Variants in CLSTN3 observed in about 807,000 individuals in gnomAD.
The protein encoded by CLSTN3 is calsyntenin-3.
A neutral mutation model predicts 95.9 loss-of-function variants in CLSTN3; 36 were observed. The observed-to-expected ratio is 0.38, with a 90% CI of 0.29 to 0.50. CLSTN3 has a LOEUF of 0.50. Ranked by LOEUF, CLSTN3 falls within the 20% of genes least tolerant of loss-of-function variation. CLSTN3 has a pLI of 0.95. For missense variants in CLSTN3, 1,084 were observed against 1,268.8 expected, an observed-to-expected ratio of 0.85 and a Z score of 2.21; for synonymous variants, 481 against 504.0, an observed-to-expected ratio of 0.95 and a Z score of 0.61.
intron 1 of CLSTN3, 23 bp downstream of exon 1, chr12:7,130,735 T>C: frequency 1.4e-6 from 2 of 1,394,168 alleles, no homozygotes; most frequent in South Asian, 1.2e-5. Flanking sequence ...GGGGTGGGGG[T>C]ACCGAAAGAG....
chr12:7,132,607 A>T, intron 1 of CLSTN3: 1 of 396,686 alleles, frequency 2.5e-6, no homozygotes, highest in Non-Finnish European at 4.5e-6. Flanking sequence ...TTCTAGTTTC[A>T]ATTCTGCCCT....
chr12:7,144,098 G>A (rs1467285954), intron 12 of CLSTN3, among the ~76,000 whole-genome samples: 4 of 151,978 alleles, frequency 2.6e-5, no homozygotes, highest in African/African-American at 9.7e-5. Flanking sequence ...ATGGTGGCAC[G>A]TGCCTGTAAT....
intron 16 of CLSTN3, among the ~76,000 whole-genome samples, chr12:7,152,089 C>T (rs941622954): frequency 2.0e-5 from 3 of 150,170 alleles, no homozygotes; most frequent in Non-Finnish European, 3.0e-5. Context: ...AAGAAGAAGA[C>T]GAGGAAAACT....
At chr12:7,152,038 A>G (rs1331449098) in intron 16 of CLSTN3, among the ~76,000 whole-genome samples, 1 of 148,958 alleles carries the variant, frequency 6.7e-6, no homozygotes, top group Non-Finnish European at 1.5e-5. Context: ...TGGGAGACAG[A>G]GCAAGGCTCT....
intron 6 of CLSTN3, 86 bp from the exon 7 acceptor site, chr12:7,136,743 A>T: frequency 4.1e-6 from 6 of 1,467,164 alleles, no homozygotes; most frequent in Non-Finnish European, 4.7e-6. Flanking sequence ...ATCTTTTCCC[A>T]TCAGTCCCTC....
chr12:7,133,584 G>C lies in CLSTN3; in HGVS notation c.199G>C (p.Gly67Arg), dbSNP rs368878804. The C allele has an allele frequency of 6.2e-7, 1 of 1,614,012 alleles. No individual in the cohort carries two copies. Among genetic ancestry groups the C allele is most frequent in the Non-Finnish European group, 8.5e-7 (1 of 1,179,992 alleles). Residue 67 changes from glycine to arginine, a missense_variant, in exon 3 of 18, where the codon GGC (glycine) becomes CGC (arginine). Coordinates refer to ENST00000266546, the MANE Select transcript of CLSTN3 (RefSeq NM_014718.4). This position sits in a 1 kb window ranked among gnomAD's most constrained non-coding sequence, Gnocchi z 4.7. ...CTCCCCTTTGCCAGGTGAGATCTGC[G>C]GCTTCCGGCTCCATGGGTCTGGGGT... ...APLRYAGEICGFRLHGSGVPF... is the reference protein window; with the variant it reads ...APLRYAGEICRFRLHGSGVPF...
chr12:7,135,512 C>T lies in CLSTN3; in HGVS notation c.569C>T (p.Thr190Ile). The T allele has an allele frequency of 6.2e-7, 1 of 1,614,126 alleles. No homozygotes were observed. The highest frequency in any genetic ancestry group is 8.5e-7 in the Non-Finnish European group (1 of 1,180,012). ...TACTATGAGATTCTCACACCCAACA[C>T]CCCTTTCCTCATTGACAATGACGGT... Reference protein sequence around the residue: ...ICYYEILTPNTPFLIDNDGNI... With the variant: ...ICYYEILTPNIPFLIDNDGNI... The change falls in exon 4 of 18, where the codon ACC (threonine) becomes ATC (isoleucine). Residue 190 changes from threonine (T) to isoleucine (I), a missense_variant. By Grantham distance (89) the Thr-to-Ile change is moderately conservative (BLOSUM62 -1). Coordinates refer to ENST00000266546, the MANE Select transcript of CLSTN3 (RefSeq NM_014718.4).
intron 12 of CLSTN3, among the ~76,000 whole-genome samples, chr12:7,145,694 G>T (rs1416892460): frequency 6.6e-6 from 1 of 151,796 alleles, no homozygotes; most frequent in Non-Finnish European, 1.5e-5. Context: ...TCTGCTTCCT[G>T]TAACCTCTAT....
In CLSTN3 at chr12:7,149,022, T is replaced by G; in HGVS notation, c.1898T>G (p.Val633Gly). The G allele has an allele frequency of 6.2e-7, 1 of 1,614,238 alleles. No individual in the cohort carries two copies. The highest frequency in any genetic ancestry group is 8.5e-7 in the Non-Finnish European group (1 of 1,180,038). ...CVSIPEVEGY[V>G]VVLQPDAPQI... The stretch of plus-strand genomic sequence containing the variant: ...TCCATCCCTGAAGTGGAGGGCTACG[T>G]GGTCGTCCTTCAGCCTGACGCCCCC... Residue 633 changes from valine to glycine, a missense_variant, in exon 13 of 18, where the codon GTG becomes GGG. Physicochemically the swap from Val to Gly is moderately radical, Grantham distance 109. Transcript: ENST00000266546. This position sits in a 1 kb window ranked among gnomAD's most constrained non-coding sequence, Gnocchi z 4.5.
rs1565653371 is a variant in CLSTN3, at chr12:7,149,403, G to A, written c.2075-120G>A. 12 of 1,013,616 alleles carry A rather than the reference G, an allele frequency of 1.2e-5. No individual in the cohort carries two copies. In the East Asian group the frequency reaches 2.9e-4, roughly 25 times the overall value. The allele number at this position is 1,013,616 out of a possible 1,614,324, so 62.8% of individuals were successfully genotyped here. A position where few individuals can be genotyped will look rare whatever the true frequency, so the allele number is the denominator to read the frequency against. On this transcript the variant is annotated intron_variant, in intron 13 of 17. Transcript: ENST00000266546. The surrounding 1 kb of genome is among the most constrained non-coding windows in gnomAD (Gnocchi z 4.5). The stretch of plus-strand genomic sequence containing the variant: ...GCATAATGATATTCTTGAAAATGAT[G>A]CTGACTTCCCTCTCCCTGGCCCTGG...
Position 7,149,613 on chromosome 12 carries a change from A to G in CLSTN3, c.2165A>G (p.Glu722Gly). The G allele has an allele frequency of 6.2e-7, 1 of 1,614,016 alleles. No individual in the cohort carries two copies. The highest frequency in any genetic ancestry group is 1.6e-4 in the Middle Eastern group (1 of 6,062). ...GGGGATGACCTGGATCCCGAGCGGGAAAGCCTGCTCCTGGACACAACCTCT... is the reference window on the plus strand; with the variant it reads ...GGGGATGACCTGGATCCCGAGCGGGGAAGCCTGCTCCTGGACACAACCTCT... ...LVGDDLDPER[E>G]SLLLDTTSLQ... Residue 722 changes from glutamate (E) to glycine (G), a missense_variant, in exon 14 of 18, where the codon GAA (glutamate) becomes GGA (glycine). Coordinates refer to ENST00000266546, the MANE Select transcript of CLSTN3 (RefSeq NM_014718.4). This position sits in a 1 kb window ranked among gnomAD's most constrained non-coding sequence, Gnocchi z 4.5.
At chr12:7,136,114 A>G in intron 5 of CLSTN3, 92 bp from the exon 6 acceptor site, 2 of 1,522,946 alleles carry the variant, frequency 1.3e-6, no homozygotes, top group Non-Finnish European at 1.8e-6. Flanking sequence ...AGGAGCCCCA[A>G]ACTGTCCATG....
In CLSTN3 at chr12:7,149,183, A is replaced by T; in HGVS notation, c.2059A>T (p.Ser687Cys). The change falls in exon 13 of 18, where the codon AGT (serine) becomes TGT (cysteine). Residue 687 changes from serine (S) to cysteine (C), a missense_variant. Coordinates refer to ENST00000266546, the MANE Select transcript of CLSTN3 (RefSeq NM_014718.4). This position sits in a 1 kb window ranked among gnomAD's most constrained non-coding sequence, Gnocchi z 4.5. ...CCAGGTGGAGGCCAAAAAGGATGAG[A>T]GTTGGCAGGGCACAGGTAAGGACGA... ...SHQVEAKKDE[S>C]WQGTVTDTRM... 3 of 1,597,072 alleles carry T rather than the reference A, an allele frequency of 1.9e-6. No individual in the cohort carries two copies. The highest frequency in any genetic ancestry group is 2.6e-6 in the Non-Finnish European group (3 of 1,169,496).
chr12:7,136,677 T>G, intron 6 of CLSTN3, 152 bp from the exon 7 acceptor site: 1 of 842,510 alleles, frequency 1.2e-6, no homozygotes, highest in Non-Finnish European at 1.9e-6. Flanking sequence ...AGAAGTGAGT[T>G]CATCCCTCTC....
intron 12 of CLSTN3, among the ~76,000 whole-genome samples, chr12:7,146,182 A>G (rs779174210): frequency 6.6e-6 from 1 of 152,190 alleles, no homozygotes; most frequent in African/African-American, 2.4e-5. Flanking sequence ...CGTGGCTCAC[A>G]CCTGTAATCC....
At position 7,141,688 on chromosome 12, in the gene CLSTN3, G is replaced by A. The variant is rs769721690; in HGVS notation, c.1486+284G>A. Among the ~76,000 whole-genome samples the A allele has an allele frequency of 1.3e-5, 2 of 152,292 alleles. No homozygotes were observed. The highest frequency in any genetic ancestry group is 4.8e-5 in the African/African-American group (2 of 41,562). ...CCAGTTTCCACTTTTTTCCATCAAA[G>A]TGATGATGACTTCCATAGCCCATTC... is the stretch of plus-strand genomic sequence containing the variant. On this transcript the variant is annotated intron_variant, in intron 9 of 17. Coordinates refer to ENST00000266546, the MANE Select transcript of CLSTN3 (RefSeq NM_014718.4). The surrounding 1 kb of genome is among the most constrained non-coding windows in gnomAD (Gnocchi z 4.1).
intron 16 of CLSTN3, chr12:7,151,294 A>T: frequency 2.1e-6 from 1 of 470,634 alleles, no homozygotes; most frequent in Non-Finnish European, 3.6e-6. Context: ...AGGGATGCTT[A>T]TGCCTGCAGT....
Position 7,133,168 on chromosome 12 carries a change from C to A in CLSTN3, c.187+22C>A, listed in dbSNP as rs1213479597. ...GCAGGTAATTGGGATTGGGGGATGGCAAGGCAGGGTAGGACAGAGAAAAGT... is the reference window on the plus strand; with the variant it reads ...GCAGGTAATTGGGATTGGGGGATGGAAAGGCAGGGTAGGACAGAGAAAAGT... On this transcript the variant is annotated intron_variant, in intron 2 of 17. Transcript: ENST00000266546. The surrounding 1 kb of genome is among the most constrained non-coding windows in gnomAD (Gnocchi z 4.7). The A allele has an allele frequency of 6.3e-6, 9 of 1,436,606 alleles. No individual in the cohort carries two copies. The highest frequency in any genetic ancestry group is 8.4e-6 in the Non-Finnish European group (9 of 1,067,532). 89.0% of individuals were successfully genotyped at this position (1,436,606 alleles called of 1,614,324 possible).
chr12:7,143,263 G>C lies in CLSTN3; in HGVS notation c.1799G>C (p.Arg600Pro). 1 of 1,612,966 alleles carries C rather than the reference G, an allele frequency of 6.2e-7. No homozygotes were observed. Among genetic ancestry groups the C allele is most frequent in the Non-Finnish European group, 8.5e-7 (1 of 1,180,022 alleles). Residue 600 changes from arginine to proline, a missense_variant, in exon 12 of 18, where the codon CGC becomes CCC. Physicochemically the swap from Arg to Pro is moderately radical, Grantham distance 103. Coordinates refer to ENST00000266546, the MANE Select transcript of CLSTN3 (RefSeq NM_014718.4). ...LQHVAYMNTL[R>P]FATPGVRPLR... ...CATGTGGCTTACATGAACACTCTGC[G>C]CTTTGCCACGCCCGGCGTCAGGCCC...
Sources: allele counts gnomAD v4.1 joint callset (sites outside exome capture counted in the v4.1 genomes callset), GRCh38; gene constraint gnomAD v4.1.1; non-coding constraint Gnocchi (gnomAD v3.1); transcripts MANE v1.5; gene names NCBI Gene and HGNC (gene_info 2026-07-23, HGNC 2026-07-21).